Variants in TMEM255A observed in about 807,000 individuals in gnomAD.
TMEM255A encodes family with sequence similarity 70, member A.
TMEM255A carries 14 observed loss-of-function variants against 23.5 expected under a neutral mutation model. The ratio of observed to expected loss-of-function variants is 0.60; its 90% confidence interval spans 0.39 to 0.93. The LOEUF (loss-of-function observed/expected upper bound fraction) is 0.93, where lower values mean the gene tolerates loss of function less well. Ranked by LOEUF, TMEM255A falls within the 40% of genes least tolerant of loss-of-function variation. TMEM255A has a pLI of 0.00. For synonymous variants in TMEM255A, 104 were observed against 100.3 expected (o/e 1.04, Z -0.22); for missense variants, 233 against 261.7 (o/e 0.89, Z 0.76).
At chrX:120,269,517 C>A (rs1359052607) in intron 7 of TMEM255A, among the ~76,000 whole-genome samples, 1 of 111,931 alleles carries the variant, frequency 8.9e-6, no homozygotes, top group Non-Finnish European at 1.9e-5. Flanking sequence ...TTGGCAGTCA[C>A]AAAGGCAACC....
At chrX:120,292,358 C>T (rs1435717470) in intron 3 of TMEM255A, among the ~76,000 whole-genome samples, 2 of 111,396 alleles carry the variant, frequency 1.8e-5, no homozygotes, top group African/African-American at 6.6e-5. Flanking sequence ...CTGTGTTGAC[C>T]CTCAGAACTA....
chrX:120,273,123 G>A (rs2057773838), intron 7 of TMEM255A: 1 of 163,422 alleles, frequency 6.1e-6, no homozygotes, highest in Non-Finnish European at 1.2e-5. Context: ...AAGTCCACAG[G>A]TAGGTGCTAC....
intron 6 of TMEM255A, among the ~76,000 whole-genome samples, chrX:120,284,556 A>ACC (rs1429078659): frequency 9.3e-6 from 1 of 107,969 alleles, no homozygotes; most frequent in African/African-American, 3.4e-5. Flanking sequence ...ACACACACAC[A>ACC]CCCCTCATCA....
At chrX:120,274,095 A>G (rs1340378097) in intron 7 of TMEM255A, among the ~76,000 whole-genome samples, 1 of 112,512 alleles carries the variant, frequency 8.9e-6, no homozygotes, top group African/African-American at 3.2e-5. Context: ...TGAAGCACTG[A>G]TATATGCTAC....
chrX:120,293,914 A>C, intron 3 of TMEM255A, 75 bp downstream of exon 3: 2 of 760,458 alleles, frequency 2.6e-6, no homozygotes, highest in Non-Finnish European at 3.9e-6. Context: ...AAACTTAAGA[A>C]ATGTGTTACT....
At chrX:120,285,667 A>G (rs2057869660) in intron 5 of TMEM255A, 1 of 1,209,362 alleles carries the variant, frequency 8.3e-7, no homozygotes, top group African/African-American at 1.8e-5. Flanking sequence ...CCCTCGTGGA[A>G]GGAGAATTTT....
intron 4 of TMEM255A, among the ~76,000 whole-genome samples, chrX:120,290,697 G>A (rs1474840324): frequency 8.9e-6 from 1 of 112,066 alleles, no homozygotes; most frequent in Non-Finnish European, 1.9e-5. Context: ...AATCAGAAGG[G>A]ATGGATCTGG....
chrX:120,256,754 C>G (rs1603398839), downstream of TMEM255A: 1 of 120,532 alleles, frequency 8.3e-6, no homozygotes, highest in Admixed American at 9.7e-5. Flanking sequence ...TATAGCCTAG[C>G]ATTTATAACA....
chrX:120,293,282 A>C (rs146379175), intron 3 of TMEM255A, among the ~76,000 whole-genome samples: 6 of 112,685 alleles, frequency 5.3e-5, no homozygotes, highest in Non-Finnish European at 1.1e-4. Flanking sequence ...AATTCAGTCT[A>C]TATCTTCTAC....
chrX:120,262,801 G>C (rs2057689046), intron 8 of TMEM255A, among the ~76,000 whole-genome samples: 1 of 111,949 alleles, frequency 8.9e-6, no homozygotes, highest in Non-Finnish European at 1.9e-5. Flanking sequence ...GACATGAGAG[G>C]CAGCAGGCCA....
At chrX:120,268,024 C>G (rs1172390880) in intron 8 of TMEM255A, among the ~76,000 whole-genome samples, 1 of 111,252 alleles carries the variant, frequency 9.0e-6, no homozygotes, top group Admixed American at 9.6e-5. Context: ...CTCTCTGTTT[C>G]TTCTCTTGCG....
chrX:120,283,564 G>A lies in TMEM255A; in HGVS notation c.512+1563C>T, dbSNP rs561142358. Among the ~76,000 whole-genome samples, 25 of 110,917 alleles carry A rather than the reference G, an allele frequency of 2.3e-4. No individual in the cohort carries two copies. In the South Asian group the frequency reaches 6.6e-3, roughly 29 times the overall value. On this transcript the variant is annotated intron_variant, in intron 6 of 8. Transcript: ENST00000371369. Reference sequence around the variant, plus strand: ...TTCCTCCCCTTACTCCCTCCCTCCCGTGGCCCTCAGTTCGCCTTCACTAAG... The same window carrying A: ...TTCCTCCCCTTACTCCCTCCCTCCCATGGCCCTCAGTTCGCCTTCACTAAG...
chrX:120,306,973 TG>T (rs1428175893), intron 1 of TMEM255A, among the ~76,000 whole-genome samples: 4 of 112,487 alleles, frequency 3.6e-5, no homozygotes, highest in Non-Finnish European at 7.5e-5. Flanking sequence ...GGATTTGCTT[TG>T]GATAAAATTC....
At chrX:120,251,980 G>A in the TMEM255A span, among the ~76,000 whole-genome samples, 63 of 112,714 alleles carry the variant, frequency 5.6e-4, no homozygotes, top group African/African-American at 2.0e-3. Flanking sequence ...CCCGTATTTC[G>A]GAAGCCCTGG....
intron 1 of TMEM255A, among the ~76,000 whole-genome samples, chrX:120,305,503 A>G (rs980026369): frequency 1.8e-5 from 2 of 110,615 alleles, no homozygotes; most frequent in African/African-American, 6.6e-5. Flanking sequence ...AGGATGAAGC[A>G]GTGAGGAGCC....
At chrX:120,290,019 G>A (rs1461896001) in intron 4 of TMEM255A, among the ~76,000 whole-genome samples, 1 of 111,497 alleles carries the variant, frequency 9.0e-6, no homozygotes, top group African/African-American at 3.3e-5. Context: ...GGTCTGGGGA[G>A]AATGTGGGAA....
At chrX:120,256,425 C>A (rs58628009), downstream of TMEM255A, 1 of 121,632 alleles carries the variant, frequency 8.2e-6, no homozygotes, top group Non-Finnish European at 1.9e-5. Flanking sequence ...GTTCATATTG[C>A]GTAGAATCTC....
At chrX:120,264,534 G>A (rs1342087316) in intron 8 of TMEM255A, among the ~76,000 whole-genome samples, 4 of 111,212 alleles carry the variant, frequency 3.6e-5, no homozygotes, top group South Asian at 7.5e-4. Context: ...CCCAATAAGG[G>A]TATGACTTTG....
chrX:120,253,746 A>C, downstream of TMEM255A: 1 of 1,211,723 alleles, frequency 8.3e-7, no homozygotes, highest in Non-Finnish European at 1.1e-6. Context: ...ATTAGGAGTG[A>C]AATTTATAGC....
Sources: gnomAD v4.1 joint callset for allele counts (sites outside exome capture counted in the v4.1 genomes callset) on GRCh38, gnomAD v4.1.1 for gene constraint, MANE v1.5 for transcripts, NCBI Gene and HGNC (gene_info 2026-07-23, HGNC 2026-07-21) for gene names.